The following SLC12A8 variants were observed in gnomAD, a reference collection of about 807,000 sequenced individuals.
The protein encoded by SLC12A8 is solute carrier family 12 member 8.
SLC12A8 carries 69 observed loss-of-function variants against 75.6 expected under a neutral mutation model. That is an observed-to-expected ratio of 0.91 (90% CI 0.75 to 1.11). The LOEUF (loss-of-function observed/expected upper bound fraction) is 1.11, where lower values mean the gene tolerates loss of function less well. Among genes scored for constraint, SLC12A8 ranks in the 50% most tolerant of loss-of-function variants. The pLI is 0.00. For missense variants in SLC12A8, 877 were observed against 896.7 expected, an observed-to-expected ratio of 0.98 and a Z score of 0.28; for synonymous variants, 365 against 372.8, an observed-to-expected ratio of 0.98 and a Z score of 0.24.
At chr3:125,182,705 A>G (rs1934691945) in intron 4 of SLC12A8, among the ~76,000 whole-genome samples, 1 of 152,036 alleles carries the variant, frequency 6.6e-6, no homozygotes, top group African/African-American at 2.4e-5. Context: ...ACAGGGTTTC[A>G]CCATATCGGT....
chr3:125,160,418 T>C (rs555096561), intron 5 of SLC12A8, among the ~76,000 whole-genome samples: 10 of 152,328 alleles, frequency 6.6e-5, no homozygotes, highest in African/African-American at 2.4e-4. Context: ...TCAATAAAGG[T>C]TAGCTACCAC....
At chr3:125,208,853 A>C in intron 2 of SLC12A8, among the ~76,000 whole-genome samples, 1 of 148,796 alleles carries the variant, frequency 6.7e-6, no homozygotes, top group African/African-American at 2.5e-5. Context: ...AAAATGATTA[A>C]AGCCAAACCA....
intron 10 of SLC12A8, among the ~76,000 whole-genome samples, chr3:125,093,062 C>A (rs1033222561): frequency 5.3e-5 from 8 of 152,110 alleles, no homozygotes; most frequent in African/African-American, 1.9e-4. Context: ...ATTTAGCTCC[C>A]ACTTATAAGT....
chr3:125,115,819 C>G (rs1036960283), intron 8 of SLC12A8, among the ~76,000 whole-genome samples: 1 of 143,932 alleles, frequency 6.9e-6, no homozygotes, highest in African/African-American at 2.9e-5. Flanking sequence ...AGGTGATGCG[C>G]GGGGCACACA....
chr3:125,195,529 T>C (rs535181710), intron 2 of SLC12A8, among the ~76,000 whole-genome samples: 2 of 152,260 alleles, frequency 1.3e-5, no homozygotes, highest in South Asian at 2.1e-4. Flanking sequence ...TGTCAGTCTC[T>C]TCTACCACAG....
intron 4 of SLC12A8, among the ~76,000 whole-genome samples, chr3:125,179,733 A>AGAGAGAGAGAGAGAGAGAG (rs1560077720): frequency 7.4e-6 from 1 of 134,982 alleles, no homozygotes; most frequent in African/African-American, 3.0e-5. Context: ...GAGAGAGAGA[A>AGAGAGAGAGAGAGAGAGAG]AGAGAAAGAC....
chr3:125,137,988 C>T (rs1056407086), intron 5 of SLC12A8, among the ~76,000 whole-genome samples: 6 of 152,232 alleles, frequency 3.9e-5, no homozygotes, highest in Admixed American at 3.9e-4. Flanking sequence ...ACTGCTGGCC[C>T]AGCCTGCTCT....
chr3:125,109,692 G>C (rs997504754), intron 9 of SLC12A8, among the ~76,000 whole-genome samples: 1 of 152,202 alleles, frequency 6.6e-6, no homozygotes, highest in Non-Finnish European at 1.5e-5. Flanking sequence ...TATCAGTTAA[G>C]GTTTGGTTCA....
At chr3:125,161,172 A>G (rs577358637) in intron 5 of SLC12A8, among the ~76,000 whole-genome samples, 4 of 152,312 alleles carry the variant, frequency 2.6e-5, no homozygotes, top group African/African-American at 9.6e-5. Flanking sequence ...CATATGCCTA[A>G]GCTAGTTCCT....
intron 6 of SLC12A8, among the ~76,000 whole-genome samples, chr3:125,128,530 A>G (rs1393040481): frequency 2.2e-5 from 3 of 139,484 alleles, no homozygotes; most frequent in Admixed American, 7.5e-5. Context: ...CCCAGGCTGG[A>G]GTGCAGTGAT....
intron 5 of SLC12A8, among the ~76,000 whole-genome samples, chr3:125,150,740 A>G (rs1450689316): frequency 1.3e-5 from 2 of 152,180 alleles, no homozygotes; most frequent in Non-Finnish European, 2.9e-5. Flanking sequence ...GAGCACATAT[A>G]CAAGGGCACC....
intron 6 of SLC12A8, among the ~76,000 whole-genome samples, chr3:125,128,483 T>C (rs1220292542): frequency 1.4e-5 from 2 of 147,852 alleles, no homozygotes; most frequent in African/African-American, 4.9e-5. Context: ...CCCGGCCTTT[T>C]TTTTTTTTTT....
chr3:125,142,941 A>T (rs1169818619), intron 5 of SLC12A8, among the ~76,000 whole-genome samples: 5 of 152,218 alleles, frequency 3.3e-5, no homozygotes, highest in Non-Finnish European at 7.3e-5. Context: ...GATTGTTGAT[A>T]CAGGATGTGC....
intron 6 of SLC12A8, among the ~76,000 whole-genome samples, chr3:125,125,241 G>A (rs762435268): frequency 1.1e-4 from 17 of 151,826 alleles, no homozygotes; most frequent in African/African-American, 1.2e-4. Context: ...TTTTCTTGGC[G>A]GGCTTCCAAA....
At chr3:125,182,937 A>AT (rs1166650368) in intron 4 of SLC12A8, among the ~76,000 whole-genome samples, 3 of 152,170 alleles carry the variant, frequency 2.0e-5, no homozygotes, top group African/African-American at 7.2e-5. Context: ...AAAGCTCTTT[A>AT]TTTTCATTGT....
At chr3:125,200,847 G>A (rs757790788) in intron 2 of SLC12A8, among the ~76,000 whole-genome samples, 4 of 152,154 alleles carry the variant, frequency 2.6e-5, no homozygotes, top group South Asian at 2.1e-4. Context: ...CTATGAACAC[G>A]GAGACTCATG....
chr3:125,175,637 T>C (rs13074637), intron 5 of SLC12A8, among the ~76,000 whole-genome samples: 33,216 of 151,726 alleles, frequency 0.22, 3,823 homozygotes, highest in Middle Eastern at 0.34. Flanking sequence ...GAGGGGGAAG[T>C]ACAAGGAATC....
chr3:125,088,383 C>T lies in SLC12A8; in HGVS notation c.1922-13G>A. On this transcript the variant is annotated splice_polypyrimidine_tract_variant and intron_variant, in intron 12 of 13. Transcript: ENST00000469902. Reference sequence around the variant, plus strand: ...TTGGAGGCTGATCCTGCAGGGAAGACATATACATAACCATTTTTGAAGGTT... The same window carrying T: ...TTGGAGGCTGATCCTGCAGGGAAGATATATACATAACCATTTTTGAAGGTT... 1 of 1,614,018 alleles carries T rather than the reference C, an allele frequency of 6.2e-7. No individual in the cohort carries two copies. The highest frequency in any genetic ancestry group is 8.5e-7 in the Non-Finnish European group (1 of 1,179,912).
rs767190419 is a variant in SLC12A8, at chr3:125,110,185, T to A, written c.1059+4A>T. 8 of 1,608,746 alleles carry A rather than the reference T, an allele frequency of 5.0e-6. No individual in the cohort carries two copies. The highest frequency in any genetic ancestry group is 5.9e-6 in the Non-Finnish European group (7 of 1,176,818). ...AAACAAACCAAAAAAAGAGGATTAC[T>A]CACCCCTTGTCCCAGACAGGCAAGT... On this transcript the variant is annotated splice_donor_region_variant and intron_variant, in intron 9 of 13. Coordinates refer to ENST00000469902, the MANE Select transcript of SLC12A8 (RefSeq NM_024628.6).
Sources: gnomAD v4.1 joint callset for allele counts (sites outside exome capture counted in the v4.1 genomes callset) on GRCh38, gnomAD v4.1.1 for gene constraint, MANE v1.5 for transcripts, NCBI Gene and HGNC (gene_info 2026-07-23, HGNC 2026-07-21) for gene names.